Variants in NSMCE4A observed in about 807,000 individuals in gnomAD.
The protein encoded by NSMCE4A is NSE4A component of SMC5/6 complex, also known as non-structural maintenance of chromosomes element 4 homolog A.
A neutral mutation model predicts 47.9 loss-of-function variants in NSMCE4A; 40 were observed. The ratio of observed to expected loss-of-function variants is 0.83; its 90% CI spans 0.65 to 1.09. The LOEUF (loss-of-function observed/expected upper bound fraction) is 1.09. NSMCE4A is among the 50% of genes least tolerant of loss of function. The pLI, the probability that NSMCE4A is intolerant of heterozygous loss-of-function variation, is 0.00. For missense variants in NSMCE4A, 500 were observed against 507.0 expected, an observed-to-expected ratio of 0.99 and a Z score of 0.13; for synonymous variants, 166 against 178.5, an observed-to-expected ratio of 0.93 and a Z score of 0.56.
At chr10:121,974,235 G>A (rs934572676) in intron 1 of NSMCE4A, 154 bp from the exon 2 acceptor site, 6 of 1,400,718 alleles carry the variant, frequency 4.3e-6, no homozygotes, top group Admixed American at 2.8e-5. Flanking sequence ...AAAATGACCC[G>A]GAAAAGGAGA....
intron 6 of NSMCE4A, among the ~76,000 whole-genome samples, chr10:121,962,889 C>T (rs979000861): frequency 7.2e-5 from 11 of 151,904 alleles, no homozygotes; most frequent in Non-Finnish European, 1.2e-4. Flanking sequence ...CCACCACGCC[C>T]GGCCAAAACA....
At chr10:121,973,172 G>A (rs1952748156) in intron 2 of NSMCE4A, among the ~76,000 whole-genome samples, 1 of 151,352 alleles carries the variant, frequency 6.6e-6, no homozygotes, top group Non-Finnish European at 1.5e-5. Context: ...GGAGGTGGAG[G>A]TTGCAGTGAG....
chr10:121,957,939 T>A (rs1952429114), intron 10 of NSMCE4A, among the ~76,000 whole-genome samples: 2 of 151,476 alleles, frequency 1.3e-5, no homozygotes, highest in African/African-American at 2.4e-5. Flanking sequence ...TAAAAAAAAA[T>A]AAAGTTGAAG....
At chr10:121,970,253 A>G (rs981010075) in intron 3 of NSMCE4A, among the ~76,000 whole-genome samples, 10 of 151,808 alleles carry the variant, frequency 6.6e-5, no homozygotes, top group African/African-American at 2.4e-4. Context: ...CGGGCAGATC[A>G]CGAGATCAGG....
chr10:121,974,925 G>C lies in NSMCE4A; in HGVS notation c.241C>G (p.Leu81Val). 6.5e-7 allele frequency: 1 copy of C among 1,532,860 alleles called. No individual in the cohort carries two copies. The highest frequency in any genetic ancestry group is 8.8e-7 in the Non-Finnish European group (1 of 1,142,218). The allele number at this position is 1,532,860 out of a possible 1,614,324, so 95.0% of individuals were successfully genotyped here. ...ASLEAEADQG[L>V]CRQIRHQYRA... is the part of the protein sequence containing the mutation. ...TACTGATGGCGGATCTGGCGGCACA[G>C]GCCTTGGTCGGCCTCCGCCTCCAAG... The change falls in exon 1 of 11, where the codon CTG becomes GTG. Residue 81 changes from leucine (L) to valine (V), a missense_variant. Transcript: ENST00000369023.
At chr10:121,967,015 C>T (rs1952619163) in intron 4 of NSMCE4A, 1 of 152,124 alleles carries the variant, frequency 6.6e-6, no homozygotes. Context: ...TTGGGAGACT[C>T]ATAAGATACC....
At chr10:121,961,628 G>A (rs1057505978) in intron 6 of NSMCE4A, 111 bp from the exon 7 acceptor site, 6 of 636,040 alleles carry the variant, frequency 9.4e-6, no homozygotes, top group Non-Finnish European at 1.5e-5. Context: ...TGCTGCAGGA[G>A]TGCAAATCAA....
chr10:121,970,787 C>T (rs534730534), intron 3 of NSMCE4A, 152 bp downstream of exon 3: 17 of 595,294 alleles, frequency 2.9e-5, no homozygotes, highest in Middle Eastern at 9.8e-4. Context: ...GTTCTACTTT[C>T]GTCTGTTTAA....
chr10:121,967,196 A>G (rs542658664), intron 4 of NSMCE4A: 20 of 154,118 alleles, frequency 1.3e-4, no homozygotes, highest in African/African-American at 4.3e-4. Context: ...TCTAGAGTTT[A>G]TGGACTTTTT....
intron 1 of NSMCE4A, chr10:121,974,471 G>A: frequency 9.9e-7 from 1 of 1,007,972 alleles, no homozygotes; most frequent in Non-Finnish European, 1.2e-6. Flanking sequence ...GTCCGAGAAC[G>A]TGCATTTGAC....
At position 121,974,995 on chromosome 10, in the gene NSMCE4A, G is replaced by A; in HGVS notation, c.171C>T (p.Asp57=). The A allele has an allele frequency of 3.3e-6, 5 of 1,517,666 alleles. No individual in the cohort carries two copies. The highest frequency in any genetic ancestry group is 4.4e-6 in the Non-Finnish European group (5 of 1,135,664). The allele number at this position is 1,517,666 out of a possible 1,614,324, so 94.0% of individuals were successfully genotyped here. A position where few individuals can be genotyped will look rare whatever the true frequency, so the allele number is the denominator to read the frequency against. Residue 57 remains aspartate, a synonymous_variant, in exon 1 of 11, where the codon GAC becomes GAT. Coordinates refer to ENST00000369023, the MANE Select transcript of NSMCE4A (RefSeq NM_017615.3). Reference sequence around the variant, plus strand: ...CGTCCCCGGAATCCGACGGCTCTGTGTCCTCCAGGCTCGGGCGCTCTGGGG... The same window carrying A: ...CGTCCCCGGAATCCGACGGCTCTGTATCCTCCAGGCTCGGGCGCTCTGGGG... ...REAPERPSLE[D]TEPSDSGDEM... is the part of the protein sequence containing the mutation.
At chr10:121,970,041 C>A (rs993924308) in intron 3 of NSMCE4A, among the ~76,000 whole-genome samples, 1 of 151,930 alleles carries the variant, frequency 6.6e-6, no homozygotes, top group Non-Finnish European at 1.5e-5. Context: ...AAAAAGACAA[C>A]AAAGTGAGAT....
chr10:121,960,395 T>G lies in NSMCE4A; in HGVS notation c.951A>C (p.Ala317=). ...HVSFIIRDGF[A]RIRLDQDRLP... ...GTCGGTCTTGGTCAAGTCTTATTCT[T>G]GCAAAACCATCCTAAAACGAAAACA... Residue 317 remains alanine, a synonymous_variant, in exon 8 of 11, where the codon GCA becomes GCC. Transcript: ENST00000369023. The surrounding 1 kb of genome is among the most constrained non-coding windows in gnomAD (Gnocchi z 4.2). 6.6e-7 allele frequency: 1 copy of G among 1,504,658 alleles called. No homozygotes were observed. Among genetic ancestry groups the G allele is most frequent in the Middle Eastern group, 1.8e-4 (1 of 5,678 alleles). The allele number at this position is 1,504,658 out of a possible 1,614,324, so 93.2% of individuals were successfully genotyped here.
At chr10:121,974,796 G>A (rs1952785935) in intron 1 of NSMCE4A, 78 bp downstream of exon 1, 31 of 1,223,790 alleles carry the variant, frequency 2.5e-5, no homozygotes, top group Non-Finnish European at 2.9e-5. Flanking sequence ...CCTGCCTCCG[G>A]TGCCCTCCCC....
At chr10:121,972,897 G>A (rs1257103959) in intron 2 of NSMCE4A, among the ~76,000 whole-genome samples, 2 of 152,154 alleles carry the variant, frequency 1.3e-5, no homozygotes, top group African/African-American at 4.8e-5. Flanking sequence ...TAAAGAACTA[G>A]TCATCCTCAG....
chr10:121,967,821 GA>G lies in NSMCE4A; in HGVS notation c.502-16del. 1 of 1,593,988 alleles carries G rather than the reference GA, an allele frequency of 6.3e-7. No homozygotes were observed. Among genetic ancestry groups the G allele is most frequent in the South Asian group, 1.2e-5 (1 of 86,880 alleles). On this transcript the variant is annotated splice_polypyrimidine_tract_variant and intron_variant, in intron 3 of 10. Coordinates refer to ENST00000369023, the MANE Select transcript of NSMCE4A (RefSeq NM_017615.3). ...ATATGTGTGAGCTACAAAAATGAAG[GA>G]AAACAAAAAACCCAGTTAAGCCACA...
Position 121,973,988 on chromosome 10 carries a change from TA to T in NSMCE4A, c.370+15del. ...GTATCATAAAACACGAAATAACATA[TA>T]AAATAACAAATTACCTTCATTAAAC... On this transcript the variant is annotated intron_variant, in intron 2 of 10. Coordinates refer to ENST00000369023, the MANE Select transcript of NSMCE4A (RefSeq NM_017615.3). 1 of 1,535,810 alleles carries T rather than the reference TA, an allele frequency of 6.5e-7. No individual in the cohort carries two copies. The highest frequency in any genetic ancestry group is 8.9e-7 in the Non-Finnish European group (1 of 1,123,610).
chr10:121,965,446 T>G (rs1459800154), intron 4 of NSMCE4A, 61 bp from the exon 5 acceptor site: 1 of 1,311,594 alleles, frequency 7.6e-7, no homozygotes, highest in Non-Finnish European at 1.1e-6. Flanking sequence ...CAAACTAACT[T>G]TACTAACTAA....
chr10:121,963,436 C>CT (rs59415272), intron 5 of NSMCE4A, 108 bp from the exon 6 acceptor site: 59,595 of 531,718 alleles, frequency 0.11, 820 homozygotes, highest in East Asian at 0.28. Flanking sequence ...CACCCGAACT[C>CT]TTTTTTTTTT....
Sources: gnomAD v4.1 joint callset for allele counts (sites outside exome capture counted in the v4.1 genomes callset) on GRCh38, gnomAD v4.1.1 for gene constraint, Gnocchi (gnomAD v3.1) non-coding constraint, MANE v1.5 for transcripts, NCBI Gene and HGNC (gene_info 2026-07-23, HGNC 2026-07-21) for gene names.